The following AUNIP variants were observed in gnomAD, a reference collection of about 807,000 sequenced individuals.
AUNIP encodes aurora kinase A and ninein interacting protein, also known as aurora kinase A- and ninein-interacting protein.
Under a neutral mutation model 12.2 loss-of-function variants are expected in AUNIP, and 16 were observed. The observed-to-expected ratio is 1.31, with a 90% CI of 0.88 to 1.99. AUNIP has a LOEUF of 1.99. AUNIP is among the 30% of genes most tolerant of loss of function. The pLI, the probability that AUNIP is intolerant of heterozygous loss-of-function variation, is 0.00. For synonymous variants in AUNIP, 142 were observed against 154.8 expected (o/e 0.92, Z 0.61); for missense variants, 411 against 419.1 (o/e 0.98, Z 0.17).
Position 25,837,379 on chromosome 1 carries a change from G to T in AUNIP, c.220+34C>A, listed in dbSNP as rs1222551632. ...AATGAACACACTCCTTTTTTGCTCT[G>T]GATAATGAAGTATTCCCATATGGGT... On this transcript the variant is annotated intron_variant, in intron 2 of 2. Coordinates refer to ENST00000374298, the MANE Select transcript of AUNIP (RefSeq NM_024037.3). 5.0e-6 allele frequency: 8 copies of T among 1,591,270 alleles called. No homozygotes were observed. In the Admixed American group the frequency reaches 5.4e-5, roughly 11 times the overall value.
chr1:25,833,613 G>A (rs745697753), downstream of AUNIP, among the ~76,000 whole-genome samples: 1 of 151,940 alleles, frequency 6.6e-6, no homozygotes, highest in South Asian at 2.1e-4. Flanking sequence ...TAATTAGCTG[G>A]GCATGGTGGC....
At position 25,834,761 on chromosome 1, in the gene AUNIP, T is replaced by G; in HGVS notation, c.*232A>C. 7.2e-7 allele frequency: 1 copy of G among 1,392,016 alleles called. No individual in the cohort carries two copies. Among genetic ancestry groups the G allele is most frequent in the Admixed American group, 3.0e-5 (1 of 32,978 alleles). The allele number at this position is 1,392,016 out of a possible 1,614,324, so 86.2% of individuals were successfully genotyped here. A position where few individuals can be genotyped will look rare whatever the true frequency, so the allele number is the denominator to read the frequency against. On this transcript the variant is annotated 3_prime_UTR_variant, in exon 3 of 3. Transcript: ENST00000374298. The stretch of plus-strand genomic sequence containing the variant: ...TGCTGCCTCAGTGTTCATCATAGAC[T>G]CATTCAGGGAATTTACCAGCCACCA...
chr1:25,834,497 G>C lies in AUNIP; in HGVS notation c.*496C>G, dbSNP rs1394783640. On this transcript the variant is annotated 3_prime_UTR_variant, in exon 3 of 3. Coordinates refer to ENST00000374298, the MANE Select transcript of AUNIP (RefSeq NM_024037.3). ...CTGGGCGTGGTGGCGCATGCCTGTAGTCCCTGCTATTCGGGAGGCTGAGGC... is the reference window on the plus strand; with the variant it reads ...CTGGGCGTGGTGGCGCATGCCTGTACTCCCTGCTATTCGGGAGGCTGAGGC... 2.8e-6 allele frequency: 2 copies of C among 720,470 alleles called. No homozygotes were observed. Among genetic ancestry groups the C allele is most frequent in the African/African-American group, 3.9e-5 (2 of 51,688 alleles). 44.6% of individuals were successfully genotyped at this position (720,470 alleles called of 1,614,324 possible).
intron 1 of AUNIP, among the ~76,000 whole-genome samples, chr1:25,841,577 G>A (rs531692008): frequency 6.6e-6 from 1 of 151,676 alleles, no homozygotes; most frequent in East Asian, 1.9e-4. Flanking sequence ...AGGCTGGAGT[G>A]CAGTGGCACG....
intron 2 of AUNIP, among the ~76,000 whole-genome samples, chr1:25,836,158 G>T (rs2048301126): frequency 6.6e-6 from 1 of 152,154 alleles, no homozygotes; most frequent in African/African-American, 2.4e-5. Context: ...TCATTTGTAG[G>T]TTTGTTTAAC....
At chr1:25,850,086 A>G (rs2048415763) in intron 1 of AUNIP, among the ~76,000 whole-genome samples, 1 of 152,090 alleles carries the variant, frequency 6.6e-6, no homozygotes, top group Non-Finnish European at 1.5e-5. Flanking sequence ...TCTCGGGGGT[A>G]CATACTTAAA....
At chr1:25,839,854 A>G (rs186506047) in intron 1 of AUNIP, among the ~76,000 whole-genome samples, 1 of 152,228 alleles carries the variant, frequency 6.6e-6, no homozygotes, top group Admixed American at 6.6e-5. Flanking sequence ...TTTAGTAGAG[A>G]TGAGGTTTCA....
At position 25,834,578 on chromosome 1, in the gene AUNIP, C is replaced by T; in HGVS notation, c.*415G>A. The T allele has an allele frequency of 1.1e-6, 1 of 943,182 alleles. No homozygotes were observed. The highest frequency in any genetic ancestry group is 4.8e-5 in the South Asian group (1 of 20,824). The allele number at this position is 943,182 out of a possible 1,614,324, so 58.4% of individuals were successfully genotyped here. The stretch of plus-strand genomic sequence containing the variant: ...GGTGCAGTGAGCTGAGGTCGCACCA[C>T]TGCACTCCAGCCTGGCAACAGAGCG... On this transcript the variant is annotated 3_prime_UTR_variant, in exon 3 of 3. Coordinates refer to ENST00000374298, the MANE Select transcript of AUNIP (RefSeq NM_024037.3).
At chr1:25,832,171 A>G (rs1159906445), downstream of AUNIP, 1 of 1,548,200 alleles carries the variant, frequency 6.5e-7, no homozygotes, top group Non-Finnish European at 8.7e-7. Flanking sequence ...GAAAGAGAAG[A>G]GCTGGATTAT....
chr1:25,849,400 A>G (rs1306138949), intron 1 of AUNIP, among the ~76,000 whole-genome samples: 6 of 152,200 alleles, frequency 3.9e-5, no homozygotes, highest in African/African-American at 1.4e-4. Context: ...CTCTAGCCTT[A>G]GCAGTCATTC....
At position 25,844,884 on chromosome 1, in the gene AUNIP, T is replaced by G. The variant is rs541002677; in HGVS notation, c.79-7330A>C. Among the ~76,000 whole-genome samples, 3 of 152,328 alleles carry G rather than the reference T, an allele frequency of 2.0e-5. No individual in the cohort carries two copies. In the South Asian group the frequency reaches 6.2e-4, roughly 32 times the overall value. Reference sequence around the variant, plus strand: ...AGCATTAATTTGATGACATTTAGGATGAAAACCTTTCTAGTCAGCACTGTC... The same window carrying G: ...AGCATTAATTTGATGACATTTAGGAGGAAAACCTTTCTAGTCAGCACTGTC... On this transcript the variant is annotated intron_variant, in intron 1 of 2. Transcript: ENST00000374298.
chr1:25,832,128 C>A, downstream of AUNIP: 1 of 1,594,264 alleles, frequency 6.3e-7, no homozygotes, highest in South Asian at 1.1e-5. Flanking sequence ...AGATCTTCTG[C>A]AACAGTCTTG....
rs751281074 is a variant in AUNIP, at chr1:25,835,512, T to G, written c.555A>C (p.Leu185=). Reference sequence around the variant, plus strand: ...AATCCCCTTTTTCTTCCTTTCGGTCTAGCAAACAAGAACTTTCCAAGTCCT... The same window carrying G: ...AATCCCCTTTTTCTTCCTTTCGGTCGAGCAAACAAGAACTTTCCAAGTCCT... ...FTEDLESSCL[L]DRKEEKGDSA... Residue 185 remains leucine (L), a synonymous_variant, in exon 3 of 3, where the codon CTA becomes CTC. Transcript: ENST00000374298. 5 of 1,614,250 alleles carry G rather than the reference T, an allele frequency of 3.1e-6. No homozygotes were observed.
chr1:25,834,462 A>C lies in AUNIP; in HGVS notation c.*531T>G. 1 of 781,228 alleles carries C rather than the reference A, an allele frequency of 1.3e-6. No individual in the cohort carries two copies. Among genetic ancestry groups the C allele is most frequent in the Non-Finnish European group, 1.6e-6 (1 of 644,172 alleles). The allele number at this position is 781,228 out of a possible 1,614,324, so 48.4% of individuals were successfully genotyped here. On this transcript the variant is annotated 3_prime_UTR_variant, in exon 3 of 3. Coordinates refer to ENST00000374298, the MANE Select transcript of AUNIP (RefSeq NM_024037.3). ...AACCTCGTCTCTACTAAAAATCCAA[A>C]AAAAATTAGCTGGGCGTGGTGGCGC... is the stretch of plus-strand genomic sequence containing the variant.
intron 1 of AUNIP, among the ~76,000 whole-genome samples, chr1:25,845,126 C>A (rs1429265069): frequency 6.6e-6 from 1 of 152,222 alleles, no homozygotes; most frequent in Non-Finnish European, 1.5e-5. Flanking sequence ...TGAAAACACA[C>A]TACCTTAGTT....
At chr1:25,856,872 C>A (rs1009477128) in intron 1 of AUNIP, among the ~76,000 whole-genome samples, 2 of 151,944 alleles carry the variant, frequency 1.3e-5, no homozygotes, top group African/African-American at 2.4e-5. Flanking sequence ...CTTTGAGAAG[C>A]CACGGTGGGC....
chr1:25,843,642 G>GA (rs1472827652), intron 1 of AUNIP, among the ~76,000 whole-genome samples: 1 of 149,978 alleles, frequency 6.7e-6, no homozygotes, highest in African/African-American at 2.5e-5. Context: ...TGATTCATGG[G>GA]AGGAGGTCAA....
At chr1:25,858,866 C>T (rs1021055557) in intron 1 of AUNIP, among the ~76,000 whole-genome samples, 15 of 152,274 alleles carry the variant, frequency 9.9e-5, no homozygotes, top group Middle Eastern at 3.4e-3. Context: ...GAAACAGACC[C>T]CGGGGTGAGA....
chr1:25,849,486 A>G (rs1415969727), intron 1 of AUNIP, among the ~76,000 whole-genome samples: 1 of 152,060 alleles, frequency 6.6e-6, no homozygotes, highest in Non-Finnish European at 1.5e-5. Context: ...TGGGCCTTTT[A>G]TGTGTCATAC....
Sources: gnomAD v4.1 joint callset for allele counts (sites outside exome capture counted in the v4.1 genomes callset) on GRCh38, gnomAD v4.1.1 for gene constraint, MANE v1.5 for transcripts, NCBI Gene and HGNC (gene_info 2026-07-23, HGNC 2026-07-21) for gene names.